Variants in NLGN4X observed in about 807,000 individuals in gnomAD.
NLGN4X encodes the protein neuroligin 4 X-linked.
NLGN4X carries 3 observed loss-of-function variants against 40.3 expected under a neutral mutation model. The observed-to-expected ratio is 0.07, with a 90% CI of 0.03 to 0.19. The LOEUF (loss-of-function observed/expected upper bound fraction) is 0.19. Among genes scored for constraint, NLGN4X ranks in the 10% least tolerant of loss-of-function variants. The pLI is 1.00. For missense variants in NLGN4X, 382 were observed against 708.3 expected, an observed-to-expected ratio of 0.54 and a Z score of 5.23; for synonymous variants, 270 against 306.8, an observed-to-expected ratio of 0.88 and a Z score of 1.25.
chrX:6,109,991 C>A (rs766376554), intron 2 of NLGN4X, among the ~76,000 whole-genome samples: 1 of 110,394 alleles, frequency 9.1e-6, no homozygotes, highest in Non-Finnish European at 1.9e-5. Context: ...GGTGGCTAGT[C>A]AAGCAGCAGA....
intron 1 of NLGN4X, among the ~76,000 whole-genome samples, chrX:6,184,518 T>C (rs963929409): frequency 2.9e-5 from 3 of 103,400 alleles, no homozygotes; most frequent in African/African-American, 1.1e-4. Context: ...TCTGTACATA[T>C]ATATGAGATC....
intron 2 of NLGN4X, among the ~76,000 whole-genome samples, chrX:6,078,484 C>T (rs1036529903): frequency 1.4e-4 from 16 of 111,026 alleles, no homozygotes; most frequent in Admixed American, 6.7e-4. Context: ...TCTAGCAACT[C>T]GCTACCGAGT....
At chrX:6,012,114 G>A (rs2036268885) in intron 3 of NLGN4X, among the ~76,000 whole-genome samples, 1 of 112,584 alleles carries the variant, frequency 8.9e-6, no homozygotes, top group Non-Finnish European at 1.9e-5. Context: ...ATGAGCATTT[G>A]TAATCAGATT....
intron 2 of NLGN4X, among the ~76,000 whole-genome samples, chrX:6,042,715 A>G (rs2037195485): frequency 2.4e-5 from 1 of 41,976 alleles, no homozygotes; most frequent in Admixed American, 3.5e-4. Flanking sequence ...ATATATATAT[A>G]TATATATATA....
At chrX:5,999,470 CTT>C (rs1270665328) in intron 3 of NLGN4X, among the ~76,000 whole-genome samples, 4 of 111,872 alleles carry the variant, frequency 3.6e-5, no homozygotes, top group African/African-American at 1.3e-4. Context: ...TGCTCACAAC[CTT>C]TTTAAAATAA....
rs764108500 is a variant in NLGN4X, at chrX:5,954,391, C to CTT, written c.626-45154_626-45153dup. 3.3e-3 allele frequency among the ~76,000 whole-genome samples: 182 copies of CTT among 55,844 alleles called. 3 individuals carry two copies. The highest frequency in any genetic ancestry group is 0.012 in the African/African-American group (172 of 14,357). 48.5% of individuals were successfully genotyped at this position (55,844 alleles called of 115,157 possible). A position where few individuals can be genotyped will look rare whatever the true frequency, so the allele number is the denominator to read the frequency against. ...GGCAGGCACCAGCATGCTTGGCTAA[C>CTT]TTTTTTTTTTTTTTTTTTTTTTTTT... is the stretch of plus-strand genomic sequence containing the variant. On this transcript the variant is annotated intron_variant, in intron 3 of 5. Coordinates refer to ENST00000381095, the MANE Select transcript of NLGN4X (RefSeq NM_181332.3).
chrX:6,149,499 AC>A (rs2040120324), intron 2 of NLGN4X, among the ~76,000 whole-genome samples: 2 of 111,544 alleles, frequency 1.8e-5, no homozygotes, highest in Admixed American at 9.6e-5. Context: ...TCAAATGAGA[AC>A]CCTAATTGCT....
At chrX:6,016,695 C>G (rs1055833917) in intron 3 of NLGN4X, among the ~76,000 whole-genome samples, 1 of 111,526 alleles carries the variant, frequency 9.0e-6, no homozygotes, top group African/African-American at 3.3e-5. Context: ...TTATTGAGAA[C>G]AGCCAGAAAC....
chrX:5,995,595 C>G (rs2035795806), intron 3 of NLGN4X, among the ~76,000 whole-genome samples: 1 of 112,007 alleles, frequency 8.9e-6, no homozygotes, highest in Admixed American at 9.5e-5. Flanking sequence ...TAAGAAACAG[C>G]TGACACATGT....
At chrX:6,225,842 G>A (rs1361391582) in intron 1 of NLGN4X, among the ~76,000 whole-genome samples, 6 of 99,611 alleles carry the variant, frequency 6.0e-5, no homozygotes, top group Non-Finnish European at 1.2e-4. Context: ...GGCAACGGAT[G>A]CCTTCAAAAA....
intron 1 of NLGN4X, among the ~76,000 whole-genome samples, chrX:6,188,351 A>T (rs1291115465): frequency 8.9e-6 from 1 of 112,055 alleles, no homozygotes; most frequent in Admixed American, 9.5e-5. Flanking sequence ...ATAGAGGAGA[A>T]ATCTTTTTTA....
intron 1 of NLGN4X, among the ~76,000 whole-genome samples, chrX:6,225,899 C>CCAA (rs369941000): frequency 4.7e-5 from 4 of 84,435 alleles, no homozygotes; most frequent in Admixed American, 1.3e-4. Flanking sequence ...CCGCCCCCCC[C>CCAA]AAAAAAAATG....
chrX:6,102,906 A>G (rs2038950560), intron 2 of NLGN4X, among the ~76,000 whole-genome samples: 1 of 111,606 alleles, frequency 9.0e-6, no homozygotes, highest in Non-Finnish European at 1.9e-5. Flanking sequence ...ATAGTGAGAC[A>G]TTTAGTCAAT....
rs34369385 is a variant in NLGN4X, at chrX:6,027,652, G to GA, written c.625+1627dup. Among the ~76,000 whole-genome samples, 361 of 99,455 alleles carry GA rather than the reference G, an allele frequency of 3.6e-3. 1 individual carries two copies. Among genetic ancestry groups the GA allele is most frequent in the African/African-American group, 7.7e-3 (212 of 27,509 alleles). 86.4% of individuals were successfully genotyped at this position (99,455 alleles called of 115,157 possible). The stretch of plus-strand genomic sequence containing the variant: ...CTTACAGGTTAATGTTTTCACATAG[G>GA]AAAAAAAAAAACCCACTCAAAATGA... On this transcript the variant is annotated intron_variant, in intron 3 of 5. Transcript: ENST00000381095.
chrX:6,154,053 A>C (rs187774998), intron 1 of NLGN4X, among the ~76,000 whole-genome samples: 210 of 112,242 alleles, frequency 1.9e-3, no homozygotes, highest in African/African-American at 6.4e-3. Flanking sequence ...TCTCAGTATA[A>C]ATGACATTGT....
At chrX:6,040,097 C>G (rs184962712) in intron 2 of NLGN4X, among the ~76,000 whole-genome samples, 144 of 110,592 alleles carry the variant, frequency 1.3e-3, no homozygotes, top group African/African-American at 4.4e-3. Context: ...ACCACCACAC[C>G]TGGTTAATTT....
chrX:5,916,260 C>T (rs2032790448), intron 3 of NLGN4X, among the ~76,000 whole-genome samples: 1 of 111,798 alleles, frequency 8.9e-6, no homozygotes, highest in Admixed American at 9.5e-5. Flanking sequence ...CAAACAATAG[C>T]AGCAAGCTGA....
At chrX:6,215,267 A>C (rs1924969411) in intron 1 of NLGN4X, among the ~76,000 whole-genome samples, 1 of 111,680 alleles carries the variant, frequency 9.0e-6, no homozygotes, top group Admixed American at 9.5e-5. Flanking sequence ...GAGATAAATC[A>C]CGGCCGGGCA....
At chrX:6,014,418 A>C (rs1319566889) in intron 3 of NLGN4X, among the ~76,000 whole-genome samples, 2 of 111,771 alleles carry the variant, frequency 1.8e-5, no homozygotes, top group East Asian at 5.6e-4. Context: ...AGCACCCAGA[A>C]CTGTGAGATA....
Sources: allele counts gnomAD v4.1 joint callset (sites outside exome capture counted in the v4.1 genomes callset), GRCh38; gene constraint gnomAD v4.1.1; transcripts MANE v1.5; gene names NCBI Gene and HGNC (gene_info 2026-07-23, HGNC 2026-07-21).